PSMA6: variants seen among roughly 807,000 people sequenced by gnomAD.
PSMA6 encodes the protein proteasome subunit alpha type-6.
For synonymous variants in PSMA6, 88 were observed against 97.7 expected (o/e 0.90, Z 0.59); for missense variants, 170 against 294.8 (o/e 0.58, Z 3.10).
intron 4 of PSMA6, among the ~76,000 whole-genome samples, chr14:35,311,938 TAAA>T: frequency 6.6e-6 from 1 of 151,478 alleles, no homozygotes; most frequent in East Asian, 1.9e-4. Flanking sequence ...ATTTCTATTT[TAAA>T]AAAAAAGTAT....
intron 1 of PSMA6, among the ~76,000 whole-genome samples, chr14:35,304,238 G>A (rs2051777053): frequency 6.6e-6 from 1 of 152,144 alleles, no homozygotes; most frequent in African/African-American, 2.4e-5. Context: ...CTCCCAAAGT[G>A]CTGGGATTAC....
chr14:35,280,374 CTT>C (rs547704339), intron 1 of PSMA6, among the ~76,000 whole-genome samples: 3 of 140,528 alleles, frequency 2.1e-5, no homozygotes, highest in Admixed American at 1.4e-4. Context: ...CTCATTGTTT[CTT>C]TTTTTTTTTT....
At chr14:35,290,970 C>T (rs1390130822), upstream of PSMA6, among the ~76,000 whole-genome samples, 1 of 151,130 alleles carries the variant, frequency 6.6e-6, no homozygotes, top group African/African-American at 2.4e-5. Context: ...TTCCCCATTA[C>T]TCGTATTTCA....
intron 1 of PSMA6, among the ~76,000 whole-genome samples, chr14:35,285,276 G>A (rs932185338): frequency 6.7e-6 from 1 of 150,334 alleles, no homozygotes; most frequent in Non-Finnish European, 1.5e-5. Context: ...GGAGGCAGAG[G>A]TTGCAGTGAG....
At chr14:35,315,825 G>A (rs1437507784) in intron 6 of PSMA6, 2 of 150,698 alleles carry the variant, frequency 1.3e-5, no homozygotes, top group East Asian at 1.9e-4. Context: ...AATTGTATTT[G>A]TTATTTTTTA....
intron 1 of PSMA6, among the ~76,000 whole-genome samples, chr14:35,285,342 AAAAAACAAAAAAC>A (rs2051409577): frequency 3.0e-5 from 1 of 33,746 alleles, no homozygotes; most frequent in Non-Finnish European, 1.9e-4. Flanking sequence ...TCTATCTCAA[AAAAAACAAAAAAC>A]AAAAAAAAAA....
chr14:35,280,256 A>G (rs952883367), intron 1 of PSMA6, among the ~76,000 whole-genome samples: 3 of 152,168 alleles, frequency 2.0e-5, no homozygotes, highest in East Asian at 3.8e-4. Flanking sequence ...GCTGGCCAAC[A>G]TGGCAAAACC....
chr14:35,296,964 G>A (rs541982790), intron 1 of PSMA6, among the ~76,000 whole-genome samples: 3 of 108,872 alleles, frequency 2.8e-5, no homozygotes, highest in African/African-American at 3.8e-5. Context: ...CCCTCCCCCA[G>A]TGCCAAGATT....
chr14:35,283,786 T>G (rs2051393704), intron 1 of PSMA6, among the ~76,000 whole-genome samples: 1 of 152,112 alleles, frequency 6.6e-6, no homozygotes, highest in Non-Finnish European at 1.5e-5. Flanking sequence ...CAAGCTGGTC[T>G]CAAACTCCTG....
chr14:35,307,165 T>G (rs536188651), intron 1 of PSMA6, among the ~76,000 whole-genome samples: 12 of 152,254 alleles, frequency 7.9e-5, no homozygotes, highest in African/African-American at 2.9e-4. Context: ...AAAAGAGTCA[T>G]ATGTTGTAGG....
intron 1 of PSMA6, among the ~76,000 whole-genome samples, chr14:35,300,461 G>GTGC (rs2051690287): frequency 6.6e-6 from 1 of 152,138 alleles, no homozygotes; most frequent in Non-Finnish European, 1.5e-5. Flanking sequence ...AACAGAGTGA[G>GTGC]ACCTTGTCTC....
Position 35,310,809 on chromosome 14 carries a change from A to G in PSMA6, c.323A>G (p.Glu108Gly). Reference protein sequence around the residue: ...AANWKYKYGYEIPVDMLCKRI... With the variant: ...AANWKYKYGYGIPVDMLCKRI... ...AACTGGAAATACAAGTATGGCTATG[A>G]GATTCCTGTGGACATGCTGTGTAAA... Residue 108 changes from glutamate (E) to glycine (G), a missense_variant, in exon 4 of 7, where the codon GAG (glutamate) becomes GGG (glycine). Glu to Gly is a moderately conservative substitution (Grantham distance 98). Transcript: ENST00000261479. The G allele has an allele frequency of 6.2e-7, 1 of 1,613,336 alleles. No individual in the cohort carries two copies. The highest frequency in any genetic ancestry group is 1.1e-5 in the South Asian group (1 of 91,054).
chr14:35,311,827 G>A (rs1033639878), intron 4 of PSMA6, among the ~76,000 whole-genome samples: 5 of 152,106 alleles, frequency 3.3e-5, no homozygotes, highest in Non-Finnish European at 5.9e-5. Flanking sequence ...TAATGAAGAT[G>A]GGCAGTGTAA....
upstream of PSMA6, among the ~76,000 whole-genome samples, chr14:35,291,823 CAAAAA>C (rs113987343): frequency 4.7e-3 from 225 of 47,726 alleles, 1 homozygote; most frequent in African/African-American, 0.015. Flanking sequence ...AACTCTGTCT[CAAAAA>C]AAAAAAAAAA....
At chr14:35,316,945 A>T in intron 6 of PSMA6, 1 of 263,994 alleles carries the variant, frequency 3.8e-6, no homozygotes, top group Non-Finnish European at 7.2e-6. Flanking sequence ...TATGTTATTC[A>T]ATTGAAATAT....
chr14:35,301,296 G>A (rs1210415143), intron 1 of PSMA6, among the ~76,000 whole-genome samples: 1 of 152,076 alleles, frequency 6.6e-6, no homozygotes, highest in Non-Finnish European at 1.5e-5. Flanking sequence ...CTTGAGGTCA[G>A]GAGTTTGAGA....
At chr14:35,314,528 G>A (rs2052003592) in intron 6 of PSMA6, 73 bp downstream of exon 6, 2 of 1,418,852 alleles carry the variant, frequency 1.4e-6, no homozygotes, top group Non-Finnish European at 1.9e-6. Flanking sequence ...TATAACTTGT[G>A]GGGGAAATCT....
upstream of PSMA6, among the ~76,000 whole-genome samples, chr14:35,289,492 A>G (rs1344973622): frequency 1.3e-5 from 2 of 151,910 alleles, no homozygotes; most frequent in South Asian, 2.1e-4. Context: ...CCATTACTGC[A>G]TGGCTTTTTT....
At chr14:35,298,694 G>T (rs2051646708) in intron 1 of PSMA6, among the ~76,000 whole-genome samples, 1 of 151,702 alleles carries the variant, frequency 6.6e-6, no homozygotes, top group Non-Finnish European at 1.5e-5. Flanking sequence ...ATTTTAAAAT[G>T]CTGCCCATAA....
Sources: gnomAD v4.1 joint callset for allele counts (sites outside exome capture counted in the v4.1 genomes callset) on GRCh38, gnomAD v4.1.1 for gene constraint, MANE v1.5 for transcripts, NCBI Gene and HGNC (gene_info 2026-07-23, HGNC 2026-07-21) for gene names.